STX4: variants seen among roughly 807,000 people sequenced by gnomAD.
STX4 encodes the protein syntaxin 4, also known as syntaxin-4.
A neutral mutation model predicts 41.8 loss-of-function variants in STX4; 24 were observed. The ratio of observed to expected loss-of-function variants is 0.57; its 90% CI spans 0.42 to 0.81. The LOEUF (loss-of-function observed/expected upper bound fraction) is 0.81. STX4 is among the 30% of genes least tolerant of loss of function. The pLI, the probability that STX4 is intolerant of heterozygous loss-of-function variation, is 0.00. For missense variants in STX4, 316 were observed against 389.9 expected (o/e 0.81, Z 1.60); for synonymous variants, 158 against 156.4 (o/e 1.01, Z -0.08).
chr16:31,036,037 G>A lies in STX4; in HGVS notation c.378+997G>A, dbSNP rs117339646. Among the ~76,000 whole-genome samples, 173 of 152,112 alleles carry A rather than the reference G, an allele frequency of 1.1e-3. 4 individuals carry two copies. The East Asian group carries it at 0.028, about 25-fold the overall frequency. ...CAACTGATCCACCTGCTTTGGCCTC[G>A]CAAAGTGCTATGATTATAGGCATGA... On this transcript the variant is annotated intron_variant, in intron 5 of 10. Transcript: ENST00000313843.
At chr16:31,033,257 G>T, upstream of STX4, 2 of 687,596 alleles carry the variant, frequency 2.9e-6, no homozygotes, top group Non-Finnish European at 5.4e-6. This position sits in a 1 kb window ranked among gnomAD's most constrained non-coding sequence, Gnocchi z 5.5. Context: ...CAGTCACAGG[G>T]TCACATTCTG....
chr16:31,033,433 T>G (rs1296341615), upstream of STX4: 1 of 1,510,044 alleles, frequency 6.6e-7, no homozygotes, highest in Non-Finnish European at 9.0e-7. The surrounding 1 kb of genome is among the most constrained non-coding windows in gnomAD (Gnocchi z 5.5). Context: ...GGTAGCAAGT[T>G]CTCGCGTCCA....
At chr16:31,036,159 G>A (rs2056798345) in intron 5 of STX4, among the ~76,000 whole-genome samples, 2 of 152,074 alleles carry the variant, frequency 1.3e-5, no homozygotes, top group African/African-American at 4.8e-5. Flanking sequence ...GATACCAGGA[G>A]GTCAGGGTTG....
In STX4 at chr16:31,039,283, G is replaced by A. The variant is rs2056826179; in HGVS notation, c.703-258G>A. 13 of 471,134 alleles carry A rather than the reference G, an allele frequency of 2.8e-5. No homozygotes were observed. The highest frequency in any genetic ancestry group is 2.6e-4 in the South Asian group (11 of 42,062). The allele number at this position is 471,134 out of a possible 1,614,324, so 29.2% of individuals were successfully genotyped here. On this transcript the variant is annotated intron_variant, in intron 8 of 10. Coordinates refer to ENST00000313843, the MANE Select transcript of STX4 (RefSeq NM_004604.5). The surrounding 1 kb of genome is among the most constrained non-coding windows in gnomAD (Gnocchi z 4.1). Reference sequence around the variant, plus strand: ...ACAGTTCACCATCTGTGAAAGGTATGAGCCATTTGAGGCCCTTAGCTCCAA... The same window carrying A: ...ACAGTTCACCATCTGTGAAAGGTATAAGCCATTTGAGGCCCTTAGCTCCAA...
chr16:31,033,435 T>C, upstream of STX4: 1 of 1,518,350 alleles, frequency 6.6e-7, no homozygotes, highest in South Asian at 1.2e-5. This position sits in a 1 kb window ranked among gnomAD's most constrained non-coding sequence, Gnocchi z 5.5. Context: ...TAGCAAGTTC[T>C]CGCGTCCAGG....
At chr16:31,037,086 C>G (rs2056806140) in intron 5 of STX4, among the ~76,000 whole-genome samples, 1 of 125,914 alleles carries the variant, frequency 7.9e-6, no homozygotes, top group Non-Finnish European at 1.6e-5. Flanking sequence ...TCCTTTGAGA[C>G]AGGGTCTCAC....
chr16:31,037,846 C>T (rs2056813927), intron 5 of STX4, 80 bp from the exon 6 acceptor site: 1 of 1,416,720 alleles, frequency 7.1e-7, no homozygotes. Flanking sequence ...GCTATTTGCT[C>T]ACTGTACTAT....
chr16:31,035,787 T>C (rs2056795171), intron 5 of STX4: 1 of 151,934 alleles, frequency 6.6e-6, no homozygotes, highest in African/African-American at 2.4e-5. Context: ...TTTTTAATTA[T>C]TATTATTTTT....
Position 31,039,386 on chromosome 16 carries a change from C to G in STX4, c.703-155C>G. On this transcript the variant is annotated intron_variant, in intron 8 of 10. Coordinates refer to ENST00000313843, the MANE Select transcript of STX4 (RefSeq NM_004604.5). This position sits in a 1 kb window ranked among gnomAD's most constrained non-coding sequence, Gnocchi z 4.1. ...CTACATGATAGAAGGGGCCTGGAAGCCATCCCCAAGGAGTCTGAACTTTTG... is the reference window on the plus strand; with the variant it reads ...CTACATGATAGAAGGGGCCTGGAAGGCATCCCCAAGGAGTCTGAACTTTTG... 1.5e-6 allele frequency: 1 copy of G among 664,714 alleles called. No homozygotes were observed. Among genetic ancestry groups the G allele is most frequent in the Non-Finnish European group, 2.5e-6 (1 of 392,698 alleles). The allele number at this position is 664,714 out of a possible 1,614,324, so 41.2% of individuals were successfully genotyped here.
At chr16:31,036,884 G>A (rs1223350445) in intron 5 of STX4, among the ~76,000 whole-genome samples, 1 of 152,026 alleles carries the variant, frequency 6.6e-6, no homozygotes, top group Non-Finnish European at 1.5e-5. Flanking sequence ...ATGGGCAGAG[G>A]AAGGGAACAG....
In STX4 at chr16:31,039,505, T is replaced by C; in HGVS notation, c.703-36T>C. On this transcript the variant is annotated intron_variant, in intron 8 of 10. Coordinates refer to ENST00000313843, the MANE Select transcript of STX4 (RefSeq NM_004604.5). This position sits in a 1 kb window ranked among gnomAD's most constrained non-coding sequence, Gnocchi z 4.1. ...ATCTGGGGTGGGGTGGGCAAAGGCA[T>C]CCTTACCTCCCTGAACCACCCCATC... 1 of 1,602,758 alleles carries C rather than the reference T, an allele frequency of 6.2e-7. No homozygotes were observed. The highest frequency in any genetic ancestry group is 2.2e-5 in the East Asian group (1 of 44,626).
Position 31,033,623 on chromosome 16 carries a change from C to T in STX4, c.-183C>T, listed in dbSNP as rs2056772917. The T allele has an allele frequency of 6.8e-7, 1 of 1,479,390 alleles. No individual in the cohort carries two copies. The highest frequency in any genetic ancestry group is 1.4e-5 in the African/African-American group (1 of 71,166). The allele number at this position is 1,479,390 out of a possible 1,614,324, so 91.6% of individuals were successfully genotyped here. On this transcript the variant is annotated 5_prime_UTR_variant, in exon 1 of 11. Coordinates refer to ENST00000313843, the MANE Select transcript of STX4 (RefSeq NM_004604.5). This position sits in a 1 kb window ranked among gnomAD's most constrained non-coding sequence, Gnocchi z 5.5. ...TCCAACCTGTGGAACCTTGGGGGGT[C>T]CCCGGGGTCGGCGCCTTCCCATTGA...
At position 31,039,880 on chromosome 16, in the gene STX4, C is replaced by T. The variant is rs1300001024; in HGVS notation, c.*16-32C>T. On this transcript the variant is annotated intron_variant, in intron 10 of 10. Coordinates refer to ENST00000313843, the MANE Select transcript of STX4 (RefSeq NM_004604.5). The surrounding 1 kb of genome is among the most constrained non-coding windows in gnomAD (Gnocchi z 4.1). The stretch of plus-strand genomic sequence containing the variant: ...CCCTGGCCCCAGCCCTCCCTCCTCC[C>T]TCAGACCCTGTTCTCCCTCCTTTCC... The T allele has an allele frequency of 6.6e-7, 1 of 1,520,652 alleles. No homozygotes were observed. Among genetic ancestry groups the T allele is most frequent in the Non-Finnish European group, 9.1e-7 (1 of 1,098,144 alleles). 94.2% of individuals were successfully genotyped at this position (1,520,652 alleles called of 1,614,324 possible).
At position 31,034,114 on chromosome 16, in the gene STX4, G is replaced by A. The variant is rs1161523787; in HGVS notation, c.132G>A (p.Lys44=). 3.7e-6 allele frequency: 6 copies of A among 1,609,088 alleles called. No homozygotes were observed. Among genetic ancestry groups the A allele is most frequent in the Non-Finnish European group, 5.1e-6 (6 of 1,176,882 alleles). Residue 44 remains lysine, a splice_region_variant and synonymous_variant, in exon 2 of 11, where the codon AAG becomes AAA. Coordinates refer to ENST00000313843, the MANE Select transcript of STX4 (RefSeq NM_004604.5). The stretch of plus-strand genomic sequence containing the variant: ...GCCCGGACGAGGAGTTCTTCCACAA[G>A]GTAAGGGGCTGGGGTCTCCGCCTGG... ...LGSPDEEFFH[K]VRTIRQTIVK... is the part of the protein sequence containing the mutation.
At position 31,039,799 on chromosome 16, in the gene STX4, GATA is replaced by G; in HGVS notation, c.893_*1del. ...GTCATCATTGGCGTCACAGTGGTTG[GATA>G]ATGTCGCACATTGTTGGTGAGATGT... On this transcript the variant is annotated stop_lost and inframe_deletion, in exon 10 of 11. Transcript: ENST00000313843. The surrounding 1 kb of genome is among the most constrained non-coding windows in gnomAD (Gnocchi z 4.1). 1 of 1,614,218 alleles carries G rather than the reference GATA, an allele frequency of 6.2e-7. No homozygotes were observed.
At chr16:31,036,091 T>C (rs562932988) in intron 5 of STX4, among the ~76,000 whole-genome samples, 3 of 152,100 alleles carry the variant, frequency 2.0e-5, no homozygotes, top group Admixed American at 6.5e-5. Context: ...TGGGGTGATA[T>C]CTTAGTAAGG....
chr16:31,037,063 C>A (rs1279828787), intron 5 of STX4, among the ~76,000 whole-genome samples: 3 of 145,164 alleles, frequency 2.1e-5, no homozygotes, highest in Admixed American at 6.9e-5. Context: ...GACCCCCCCC[C>A]CTTTTTTTTT....
chr16:31,033,928 A>T lies in STX4; in HGVS notation c.31-85A>T, dbSNP rs1402039660. 6 of 1,461,192 alleles carry T rather than the reference A, an allele frequency of 4.1e-6. No homozygotes were observed. In the South Asian group the frequency reaches 4.3e-5, roughly 10 times the overall value. The allele number at this position is 1,461,192 out of a possible 1,614,324, so 90.5% of individuals were successfully genotyped here. The stretch of plus-strand genomic sequence containing the variant: ...GGATAGGGAGGGGTGGCTGATGGCC[A>T]GGAAGGAAAGTCCCGGAAGCCTGTG... On this transcript the variant is annotated intron_variant, in intron 1 of 10. Coordinates refer to ENST00000313843, the MANE Select transcript of STX4 (RefSeq NM_004604.5). The surrounding 1 kb of genome is among the most constrained non-coding windows in gnomAD (Gnocchi z 5.5).
intron 8 of STX4, chr16:31,038,939 A>G (rs1402737419): frequency 5.4e-6 from 2 of 368,796 alleles, no homozygotes; most frequent in Non-Finnish European, 5.2e-6. Flanking sequence ...CCACCCTTAT[A>G]CCTCTCAGAG....
Sources: allele counts gnomAD v4.1 joint callset (sites outside exome capture counted in the v4.1 genomes callset), GRCh38; gene constraint gnomAD v4.1.1; non-coding constraint Gnocchi (gnomAD v3.1); transcripts MANE v1.5; gene names NCBI Gene and HGNC (gene_info 2026-07-23, HGNC 2026-07-21).